EPHB2: variants seen among roughly 807,000 people sequenced by gnomAD.
The protein encoded by EPHB2 is EPH receptor B2.
A neutral mutation model predicts 96.4 loss-of-function variants in EPHB2; 18 were observed. The ratio of observed to expected loss-of-function variants is 0.19; its 90% CI spans 0.13 to 0.28. The LOEUF is 0.28. Among genes scored for constraint, EPHB2 ranks in the 10% least tolerant of loss-of-function variants. The pLI is 1.00. For synonymous variants in EPHB2, 506 were observed against 534.1 expected (o/e 0.95, Z 0.72); for missense variants, 989 against 1,355.4 (o/e 0.73, Z 4.25).
At chr1:22,775,225 G>A (rs1176780577) in intron 1 of EPHB2, 1 of 779,824 alleles carries the variant, frequency 1.3e-6, no homozygotes, top group South Asian at 1.3e-5. Flanking sequence ...TCCTAGCCCT[G>A]CCTGTGTGCA....
chr1:22,878,407 T>C (rs958358247), intron 5 of EPHB2, among the ~76,000 whole-genome samples: 2 of 152,208 alleles, frequency 1.3e-5, no homozygotes, highest in African/African-American at 2.4e-5. Flanking sequence ...ACTCATTTAG[T>C]TGAAAAACAG....
chr1:22,838,181 C>T (rs1434435436), intron 3 of EPHB2, among the ~76,000 whole-genome samples: 1 of 152,234 alleles, frequency 6.6e-6, no homozygotes, highest in Non-Finnish European at 1.5e-5. Context: ...CCTCTCTGGA[C>T]ATCCATGTTC....
Position 22,864,870 on chromosome 1 carries a change from GC to G in EPHB2, c.968-3del. 7.9e-7 allele frequency: 1 copy of G among 1,265,752 alleles called. No homozygotes were observed. 78.4% of individuals were successfully genotyped at this position (1,265,752 alleles called of 1,614,324 possible). A position where few individuals can be genotyped will look rare whatever the true frequency, so the allele number is the denominator to read the frequency against. ...CCCCACTGACCAACACCTCTCCCCC[GC>G]CCCAGCCATCCCCTCCGCGCCCCAG... On this transcript the variant is annotated splice_polypyrimidine_tract_variant and splice_region_variant and intron_variant, in intron 4 of 15. Transcript: ENST00000374630.
intron 5 of EPHB2, among the ~76,000 whole-genome samples, chr1:22,881,339 A>C (rs889248742): frequency 1.1e-4 from 16 of 151,994 alleles, no homozygotes; most frequent in African/African-American, 3.9e-4. Flanking sequence ...CAGAGGTTGC[A>C]GTGAGCCAAG....
chr1:22,867,173 G>T (rs116203237), intron 5 of EPHB2, among the ~76,000 whole-genome samples: 3,197 of 152,328 alleles, frequency 0.021, 112 homozygotes, highest in African/African-American at 0.073. Flanking sequence ...GGCACCTTGA[G>T]CTTGACTATG....
In EPHB2 at chr1:22,756,190, A is replaced by T. The variant is rs545650462; in HGVS notation, c.62-25231A>T. 4.6e-5 allele frequency among the ~76,000 whole-genome samples: 7 copies of T among 152,204 alleles called. No individual in the cohort carries two copies. In the East Asian group the frequency reaches 9.7e-4, roughly 21 times the overall value. ...AGGAATTCCGTGGGAAGAAGCTTGC[A>T]CTTTCTCCCACAGGCCCTGGGGAGC... On this transcript the variant is annotated intron_variant, in intron 1 of 15. Transcript: ENST00000374630.
chr1:22,732,623 T>C (rs1053390772), intron 1 of EPHB2, among the ~76,000 whole-genome samples: 1 of 152,184 alleles, frequency 6.6e-6, no homozygotes, highest in African/African-American at 2.4e-5. Context: ...GTTCTTATTT[T>C]TGCCTAGCAG....
chr1:22,730,732 G>A (rs767358911), intron 1 of EPHB2, among the ~76,000 whole-genome samples: 10 of 152,240 alleles, frequency 6.6e-5, no homozygotes, highest in Non-Finnish European at 1.5e-4. Flanking sequence ...GAGCGGGAGG[G>A]CCAGGGGAGA....
At chr1:22,795,545 C>G (rs546869276) in intron 3 of EPHB2, among the ~76,000 whole-genome samples, 1 of 152,146 alleles carries the variant, frequency 6.6e-6, no homozygotes, top group Non-Finnish European at 1.5e-5. Flanking sequence ...TAATGTCTTA[C>G]ATATGTACAG....
intron 3 of EPHB2, among the ~76,000 whole-genome samples, chr1:22,835,476 A>G (rs1645367276): frequency 1.3e-5 from 2 of 152,246 alleles, no homozygotes; most frequent in South Asian, 4.1e-4. Flanking sequence ...ACATGCACAT[A>G]TGTTTGCATA....
intron 1 of EPHB2, among the ~76,000 whole-genome samples, chr1:22,751,183 T>C (rs1644056797): frequency 6.6e-6 from 1 of 152,186 alleles, no homozygotes; most frequent in South Asian, 2.1e-4. Context: ...TGGAGGGGGA[T>C]GCTCTGAAGA....
In EPHB2 at chr1:22,858,312, T is replaced by C. The variant is rs770474543; in HGVS notation, c.812-4725T>C. 6.6e-6 allele frequency among the ~76,000 whole-genome samples: 1 copy of C among 152,058 alleles called. No individual in the cohort carries two copies. The highest frequency in any genetic ancestry group is 2.1e-4 in the South Asian group (1 of 4,816). ...GCTAGGCATGTGGGTCTATTCTAAG[T>C]GCAGTGGGGATAAATGGTGCACGAG... On this transcript the variant is annotated intron_variant, in intron 3 of 15. Coordinates refer to ENST00000374630, the MANE Select transcript of EPHB2 (RefSeq NM_017449.5). The surrounding 1 kb of genome is among the most constrained non-coding windows in gnomAD (Gnocchi z 7.7).
At chr1:22,727,786 A>G (rs566535664) in intron 1 of EPHB2, among the ~76,000 whole-genome samples, 2 of 147,492 alleles carry the variant, frequency 1.4e-5, no homozygotes, top group Admixed American at 1.3e-4. Context: ...TTTTCTTTAA[A>G]AAAAAAAAAC....
chr1:22,888,098 G>A (rs189602434), intron 6 of EPHB2, among the ~76,000 whole-genome samples: 3 of 152,284 alleles, frequency 2.0e-5, no homozygotes, highest in Admixed American at 2.0e-4. Flanking sequence ...CCAGGCTGGA[G>A]TGTCATGACG....
rs1167925717 is a variant in EPHB2, at chr1:22,916,518, C to CGCTACT, written c.*2953_*2954insTGCTAC. 7 of 147,162 alleles carry CGCTACT rather than the reference C, an allele frequency of 4.8e-5. No individual in the cohort carries two copies. The highest frequency in any genetic ancestry group is 1.8e-4 in the African/African-American group (7 of 39,760). 9.1% of individuals were successfully genotyped at this position (147,162 alleles called of 1,614,324 possible). ...TCCACCCCCACCCACCCACCCCACC[C>CGCTACT]GCTACCGGGGCAGTCGCCCCGCCCC... is the stretch of plus-strand genomic sequence containing the variant. On this transcript the variant is annotated 3_prime_UTR_variant, in exon 16 of 16. Coordinates refer to ENST00000374630, the MANE Select transcript of EPHB2 (RefSeq NM_017449.5). This position sits in a 1 kb window ranked among gnomAD's most constrained non-coding sequence, Gnocchi z 4.2.
chr1:22,797,201 C>T (rs1374578001), intron 3 of EPHB2, among the ~76,000 whole-genome samples: 1 of 152,166 alleles, frequency 6.6e-6, no homozygotes. Context: ...GCTGCTGACT[C>T]CCGTTCCTAG....
In EPHB2 at chr1:22,754,049, C is replaced by T. The variant is rs373498875; in HGVS notation, c.62-27372C>T. ...TTCGTGATCCCCTGGGGTTCCAGGC[C>T]GCTGTAAGGACCCCAAATCCTGGGC... is the stretch of plus-strand genomic sequence containing the variant. On this transcript the variant is annotated intron_variant, in intron 1 of 15. Coordinates refer to ENST00000374630, the MANE Select transcript of EPHB2 (RefSeq NM_017449.5). Among the ~76,000 whole-genome samples, 30 of 152,238 alleles carry T rather than the reference C, an allele frequency of 2.0e-4. No individual in the cohort carries two copies. The South Asian group carries it at 4.6e-3, about 23-fold the overall frequency.
chr1:22,893,113 C>T (rs773470099), intron 7 of EPHB2, 67 bp downstream of exon 7: 1 of 1,610,994 alleles, frequency 6.2e-7, no homozygotes, highest in African/African-American at 1.3e-5. Flanking sequence ...CAAGGGTCAC[C>T]ATTCTCATGA....
chr1:22,724,310 A>G (rs546781217), intron 1 of EPHB2, among the ~76,000 whole-genome samples: 2 of 152,300 alleles, frequency 1.3e-5, no homozygotes, highest in African/African-American at 4.8e-5. Context: ...ATTTGCATAC[A>G]TGGACAGAGA....
Sources: gnomAD v4.1 joint callset for allele counts (sites outside exome capture counted in the v4.1 genomes callset) on GRCh38, gnomAD v4.1.1 for gene constraint, Gnocchi (gnomAD v3.1) non-coding constraint, MANE v1.5 for transcripts, NCBI Gene and HGNC (gene_info 2026-07-23, HGNC 2026-07-21) for gene names.